The following KANSL2 variants were observed in gnomAD, a reference collection of about 807,000 sequenced individuals.
KANSL2 encodes KAT8 regulatory NSL complex subunit 2.
In KANSL2, 34 loss-of-function variants were observed where a neutral mutation model predicts 55.6. The observed-to-expected ratio is 0.61, with a 90% CI of 0.46 to 0.81. The LOEUF is 0.81. KANSL2 is among the 40% of genes least tolerant of loss of function. The pLI is 0.00. For synonymous variants in KANSL2, 209 were observed against 214.3 expected, an observed-to-expected ratio of 0.98 and a Z score of 0.22; for missense variants, 502 against 609.9, an observed-to-expected ratio of 0.82 and a Z score of 1.86.
chr12:48,661,094 A>T, intron 7 of KANSL2: 1 of 296,654 alleles, frequency 3.4e-6, no homozygotes, highest in Non-Finnish European at 5.1e-6. Context: ...AAAGATGATT[A>T]CATGATAAAT....
In KANSL2 at chr12:48,682,176, C is replaced by T. The variant is rs1223477141; in HGVS notation, c.-10+11G>A. On this transcript the variant is annotated intron_variant, in intron 1 of 9. Transcript: ENST00000420613. ...CGCAAGAGCTTAGAGGAAAGAGCACCGCCATCTTACCTCAGGAGCTGCGCT... is the reference window on the plus strand; with the variant it reads ...CGCAAGAGCTTAGAGGAAAGAGCACTGCCATCTTACCTCAGGAGCTGCGCT... 2.9e-6 allele frequency: 2 copies of T among 694,624 alleles called. No individual in the cohort carries two copies. Among genetic ancestry groups the T allele is most frequent in the Admixed American group, 2.0e-5 (1 of 49,140 alleles). The allele number at this position is 694,624 out of a possible 1,614,324, so 43.0% of individuals were successfully genotyped here. A position where few individuals can be genotyped will look rare whatever the true frequency, so the allele number is the denominator to read the frequency against.
At chr12:48,672,005 T>C in intron 4 of KANSL2, 43 bp from the exon 5 acceptor site, 1 of 1,493,668 alleles carries the variant, frequency 6.7e-7, no homozygotes, top group Non-Finnish European at 9.0e-7. Flanking sequence ...AAAACAATAA[T>C]AATAAAACCC....
intron 8 of KANSL2, among the ~76,000 whole-genome samples, chr12:48,659,058 C>T (rs1209482999): frequency 6.6e-6 from 1 of 152,104 alleles, no homozygotes; most frequent in African/African-American, 2.4e-5. Context: ...CTTTGGGAGG[C>T]CAAGGTGGGT....
At chr12:48,675,800 T>C (rs918272994) in intron 4 of KANSL2, among the ~76,000 whole-genome samples, 3 of 152,194 alleles carry the variant, frequency 2.0e-5, no homozygotes, top group Admixed American at 6.5e-5. Flanking sequence ...ATTAAAATTA[T>C]GTACTAATTC....
In KANSL2 at chr12:48,679,635, C is replaced by G. The variant is rs1939884377; in HGVS notation, c.430+20G>C. On this transcript the variant is annotated intron_variant, in intron 3 of 9. Transcript: ENST00000420613. ...TTAACTTTCTTCCTCCTTTTTCATT[C>G]CAGGAGAGAAGGTCCTTACCTAGTA... 6.2e-7 allele frequency: 1 copy of G among 1,605,052 alleles called. No homozygotes were observed. Among genetic ancestry groups the G allele is most frequent in the South Asian group, 1.1e-5 (1 of 90,246 alleles).
At chr12:48,655,586 T>C (rs990010172) in intron 8 of KANSL2, among the ~76,000 whole-genome samples, 2 of 150,202 alleles carry the variant, frequency 1.3e-5, no homozygotes, top group Non-Finnish European at 3.0e-5. Flanking sequence ...AAAAAAATTC[T>C]AGGAAAATTC....
chr12:48,662,824 A>G (rs932090502), intron 7 of KANSL2, among the ~76,000 whole-genome samples: 23 of 152,328 alleles, frequency 1.5e-4, no homozygotes, highest in African/African-American at 5.3e-4. Context: ...AATATCTAAA[A>G]TAGTCCTTAG....
chr12:48,671,386 C>T (rs1939710522), intron 5 of KANSL2, among the ~76,000 whole-genome samples: 1 of 151,940 alleles, frequency 6.6e-6, no homozygotes, highest in Non-Finnish European at 1.5e-5. Flanking sequence ...GTACTTATAA[C>T]GTCTAAAGTA....
chr12:48,666,746 A>ACACACACATAGTC (rs1722185430), intron 7 of KANSL2, among the ~76,000 whole-genome samples: 1 of 152,000 alleles, frequency 6.6e-6, no homozygotes, highest in African/African-American at 2.4e-5. Context: ...GCATGGTGGC[A>ACACACACATAGTC]CACATACATA....
At chr12:48,664,030 T>C (rs1234926524) in intron 7 of KANSL2, among the ~76,000 whole-genome samples, 30 of 144,820 alleles carry the variant, frequency 2.1e-4, no homozygotes, top group Admixed American at 1.3e-3. Context: ...TTCTCCTGCC[T>C]CAGCCTCCCG....
At chr12:48,667,871 C>CT in intron 6 of KANSL2, 82 bp from the exon 7 acceptor site, 1 of 1,022,276 alleles carries the variant, frequency 9.8e-7, no homozygotes, top group Admixed American at 1.8e-5. Context: ...ATAAGAAAAG[C>CT]ACATCCTAAA....
chr12:48,679,491 T>C (rs1178110840), intron 3 of KANSL2, among the ~76,000 whole-genome samples, 164 bp downstream of exon 3: 1 of 152,182 alleles, frequency 6.6e-6, no homozygotes, highest in South Asian at 2.1e-4. Context: ...AAACACAACT[T>C]CAAATTCAAA....
At chr12:48,681,223 T>C (rs895111450) in intron 2 of KANSL2, 159 bp downstream of exon 2, 7 of 719,446 alleles carry the variant, frequency 9.7e-6, no homozygotes, top group African/African-American at 1.8e-5. Flanking sequence ...CTCAAGGGTC[T>C]TTCCAGTCTT....
chr12:48,674,046 C>A (rs967269814), intron 4 of KANSL2, among the ~76,000 whole-genome samples: 6 of 152,144 alleles, frequency 3.9e-5, no homozygotes, highest in African/African-American at 1.4e-4. Flanking sequence ...ATACAAAGAA[C>A]AAGCTATATA....
At chr12:48,657,344 G>A (rs1022059714) in intron 8 of KANSL2, among the ~76,000 whole-genome samples, 8 of 152,106 alleles carry the variant, frequency 5.3e-5, no homozygotes, top group Non-Finnish European at 1.2e-4. Context: ...AGAATTGCTT[G>A]AACCCAGGAG....
intron 7 of KANSL2, among the ~76,000 whole-genome samples, chr12:48,666,088 C>T (rs1313087106): frequency 6.6e-6 from 1 of 152,018 alleles, no homozygotes; most frequent in African/African-American, 2.4e-5. Flanking sequence ...GTAGCACATG[C>T]CTGTAGTCCC....
intron 2 of KANSL2, chr12:48,681,160 CTTTAT>C: frequency 2.7e-6 from 1 of 377,220 alleles, no homozygotes; most frequent in Non-Finnish European, 4.7e-6. Context: ...TAGAATATGC[CTTTAT>C]TTTACAGATA....
At chr12:48,663,695 A>G (rs867079414) in intron 7 of KANSL2, among the ~76,000 whole-genome samples, 3 of 152,198 alleles carry the variant, frequency 2.0e-5, no homozygotes, top group Non-Finnish European at 2.9e-5. Context: ...AACACAATAT[A>G]TAAGACATAT....
rs145388263 is a variant in KANSL2 at position 48,670,426 on chromosome 12, G to A, written c.710-1154C>T. On this transcript the variant is annotated intron_variant, in intron 5 of 9. Transcript: ENST00000420613. ...AGATGACAGTTCGCTGCATGAGATT[G>A]TCCCCGAAGACCTTCCACTGGGACA... 3.9e-5 allele frequency among the ~76,000 whole-genome samples: 6 copies of A among 152,238 alleles called. No homozygotes were observed. In the East Asian group the frequency reaches 1.2e-3, roughly 29 times the overall value.
Sources: allele counts gnomAD v4.1 joint callset (sites outside exome capture counted in the v4.1 genomes callset), GRCh38; gene constraint gnomAD v4.1.1; transcripts MANE v1.5; gene names NCBI Gene and HGNC (gene_info 2026-07-23, HGNC 2026-07-21).